The following APBA2 variants were observed in gnomAD, a reference collection of about 807,000 sequenced individuals.
APBA2 encodes the protein amyloid beta precursor protein binding family A member 2.
Under a neutral mutation model 75.0 loss-of-function variants are expected in APBA2, and 30 were observed. That is an observed-to-expected ratio of 0.40 (90% confidence interval 0.30 to 0.54). The LOEUF is 0.54. APBA2 is among the 20% of genes least tolerant of loss of function. The pLI, the probability that APBA2 is intolerant of heterozygous loss-of-function variation, is 0.49. For synonymous variants in APBA2, 444 were observed against 409.6 expected, an observed-to-expected ratio of 1.08 and a Z score of -1.01; for missense variants, 801 against 1,016.1, an observed-to-expected ratio of 0.79 and a Z score of 2.88.
intron 1 of APBA2, among the ~76,000 whole-genome samples, chr15:28,909,010 A>C (rs1595435406): frequency 2.3e-5 from 3 of 131,626 alleles, no homozygotes; most frequent in African/African-American, 3.1e-5. Context: ...TTTTTGAGAC[A>C]CTGTCTTGCT....
chr15:29,030,735 G>GTGTA (rs1566925834), intron 3 of APBA2, among the ~76,000 whole-genome samples: 1 of 149,416 alleles, frequency 6.7e-6, no homozygotes, highest in African/African-American at 2.5e-5. Context: ...GAGTATGTGT[G>GTGTA]TGTGTGTGTG....
intron 3 of APBA2, among the ~76,000 whole-genome samples, chr15:29,027,714 G>A (rs2152839455): frequency 6.6e-6 from 1 of 151,526 alleles, no homozygotes; most frequent in South Asian, 2.1e-4. Flanking sequence ...GCATTCTCCT[G>A]CCTCAGCCCA....
At chr15:29,113,757 A>C in intron 13 of APBA2, 119 bp from the exon 14 acceptor site, 1 of 1,286,850 alleles carries the variant, frequency 7.8e-7, no homozygotes. Flanking sequence ...AGCGAATTGC[A>C]CGTGCACGTA....
At chr15:29,115,684 A>T (rs2045056106) in intron 14 of APBA2, among the ~76,000 whole-genome samples, 1 of 152,138 alleles carries the variant, frequency 6.6e-6, no homozygotes. Flanking sequence ...CAAGGCTTGC[A>T]GTTGCGAGGG....
chr15:29,103,112 T>A (rs1283806433), intron 10 of APBA2, among the ~76,000 whole-genome samples: 1 of 152,218 alleles, frequency 6.6e-6, no homozygotes, highest in East Asian at 1.9e-4. Context: ...GTGAGAGACC[T>A]GGCTTGGGGA....
chr15:28,991,229 TC>T lies in APBA2; in HGVS notation c.-94-4521del, dbSNP rs1260067295. Reference sequence around the variant, plus strand: ...GTCCCATCAGGAAGCAACAGACAACTCCCTAAGCCCCACAGTAAAAACGTCT... The same window carrying T: ...GTCCCATCAGGAAGCAACAGACAACTCCTAAGCCCCACAGTAAAAACGTCT... On this transcript the variant is annotated intron_variant, in intron 2 of 14. Transcript: ENST00000683413. The surrounding 1 kb of genome is among the most constrained non-coding windows in gnomAD (Gnocchi z 4.7). Among the ~76,000 whole-genome samples, 1 of 152,068 alleles carries T rather than the reference TC, an allele frequency of 6.6e-6. No homozygotes were observed. Among genetic ancestry groups the T allele is most frequent in the African/African-American group, 2.4e-5 (1 of 41,388 alleles).
chr15:28,956,672 G>A (rs1375807768), intron 2 of APBA2, among the ~76,000 whole-genome samples: 1 of 151,978 alleles, frequency 6.6e-6, no homozygotes, highest in Non-Finnish European at 1.5e-5. Flanking sequence ...TCCACCTCCA[G>A]AGCTCTCCTC....
intron 2 of APBA2, chr15:28,977,180 C>T (rs547430677): frequency 6.6e-5 from 10 of 152,264 alleles, no homozygotes; most frequent in South Asian, 2.1e-4. Context: ...GGAAGTCTAA[C>T]GTCAAGGGGC....
At chr15:28,934,204 C>G (rs865830465) in intron 2 of APBA2, among the ~76,000 whole-genome samples, 1 of 152,148 alleles carries the variant, frequency 6.6e-6, no homozygotes, top group Non-Finnish European at 1.5e-5. Context: ...GCCGGTGCCA[C>G]TGCAGGCTTT....
At chr15:29,051,139 C>T (rs867341260) in intron 3 of APBA2, among the ~76,000 whole-genome samples, 4 of 152,280 alleles carry the variant, frequency 2.6e-5, no homozygotes, top group Middle Eastern at 6.8e-3. Flanking sequence ...GCTGGCTGTC[C>T]TCTGTGAAGA....
intron 1 of APBA2, among the ~76,000 whole-genome samples, chr15:28,897,182 G>GACACACAAACAC (rs2032544025): frequency 6.8e-6 from 1 of 148,050 alleles, no homozygotes; most frequent in Admixed American, 6.8e-5. Context: ...CAAAAGACAC[G>GACACACAAACAC]ACACACACAC....
In APBA2 at chr15:28,997,569, A is replaced by G. The variant is rs567741461; in HGVS notation, c.-41+1763A>G. ...ATGGAGACACAGCTCATGATTCCAT[A>G]AAATTCCAGTCTTCTGGGAGCCCAG... On this transcript the variant is annotated intron_variant, in intron 3 of 14. Coordinates refer to ENST00000683413, the MANE Select transcript of APBA2 (RefSeq NM_001353788.2). Among the ~76,000 whole-genome samples, 273 of 152,292 alleles carry G rather than the reference A, an allele frequency of 1.8e-3. 1 individual carries two copies. Among genetic ancestry groups the G allele is most frequent in the African/African-American group, 6.5e-3 (271 of 41,570 alleles).
At chr15:28,921,240 T>G (rs1040889895) in intron 1 of APBA2, among the ~76,000 whole-genome samples, 3 of 152,274 alleles carry the variant, frequency 2.0e-5, no homozygotes, top group Admixed American at 6.5e-5. Context: ...AAATGAAACC[T>G]GAAATATTAA....
chr15:28,980,816 C>T (rs1483408446), intron 2 of APBA2, among the ~76,000 whole-genome samples: 2 of 152,202 alleles, frequency 1.3e-5, no homozygotes, highest in African/African-American at 2.4e-5. Context: ...ACCAAAACAG[C>T]ATGGGACTGA....
At chr15:28,915,241 T>C (rs1304068871) in intron 1 of APBA2, among the ~76,000 whole-genome samples, 105 of 31,968 alleles carry the variant, frequency 3.3e-3, no homozygotes, top group East Asian at 7.5e-3. Flanking sequence ...ATACCCCATA[T>C]ATACCACACA....
intron 6 of APBA2, 120 bp from the exon 7 acceptor site, chr15:29,092,955 G>A: frequency 1.5e-6 from 2 of 1,332,750 alleles, no homozygotes; most frequent in Non-Finnish European, 2.1e-6. Flanking sequence ...CAATGGTTGG[G>A]CCCTTCTAGT....
chr15:29,055,699 G>A (rs2041854070), intron 4 of APBA2, among the ~76,000 whole-genome samples: 1 of 151,750 alleles, frequency 6.6e-6, no homozygotes, highest in African/African-American at 2.4e-5. Flanking sequence ...GTGTGTGTGT[G>A]TGTGTGTGTG....
chr15:29,107,705 G>A (rs538030857), intron 12 of APBA2, among the ~76,000 whole-genome samples: 1 of 152,232 alleles, frequency 6.6e-6, no homozygotes, highest in South Asian at 2.1e-4. Context: ...GCTCCCAGGT[G>A]GAGGCTTGGG....
At chr15:28,973,858 A>T (rs2037199494) in intron 2 of APBA2, among the ~76,000 whole-genome samples, 1 of 152,220 alleles carries the variant, frequency 6.6e-6, no homozygotes, top group African/African-American at 2.4e-5. Context: ...GACCACTGAA[A>T]CAAAAATATA....
Sources: gnomAD v4.1 joint callset for allele counts (sites outside exome capture counted in the v4.1 genomes callset) on GRCh38, gnomAD v4.1.1 for gene constraint, Gnocchi (gnomAD v3.1) non-coding constraint, MANE v1.5 for transcripts, NCBI Gene and HGNC (gene_info 2026-07-23, HGNC 2026-07-21) for gene names.